TBC1D22A: variants seen among roughly 807,000 people sequenced by gnomAD.
The protein encoded by TBC1D22A is TBC1 domain family member 22A, also known as putative GTPase activator.
In TBC1D22A, 38 loss-of-function variants were observed where a neutral mutation model predicts 60.2. That is an observed-to-expected ratio of 0.63 (90% CI 0.49 to 0.83). The LOEUF (loss-of-function observed/expected upper bound fraction) is 0.83. Among genes scored for constraint, TBC1D22A ranks in the 40% least tolerant of loss-of-function variants. The pLI is 0.00. For synonymous variants in TBC1D22A, 302 were observed against 281.7 expected, an observed-to-expected ratio of 1.07 and a Z score of -0.72; for missense variants, 628 against 701.0, an observed-to-expected ratio of 0.90 and a Z score of 1.18.
At chr22:47,143,937 G>C (rs5767531) in intron 12 of TBC1D22A, among the ~76,000 whole-genome samples, 98,876 of 151,744 alleles carry the variant, frequency 0.65, 32,957 homozygotes, top group African/African-American at 0.79. Flanking sequence ...GCCTTCTTCT[G>C]CTCCAGCATC....
intron 12 of TBC1D22A, among the ~76,000 whole-genome samples, chr22:47,159,329 A>ATACACACACACCATG (rs1302039995): frequency 5.4e-5 from 4 of 73,532 alleles, no homozygotes; most frequent in African/African-American, 2.5e-4. Flanking sequence ...ACACACATGT[A>ATACACACACACCATG]TACACACACA....
chr22:47,067,715 G>A (rs887519790), intron 11 of TBC1D22A, among the ~76,000 whole-genome samples: 6 of 152,292 alleles, frequency 3.9e-5, no homozygotes, highest in African/African-American at 9.6e-5. Flanking sequence ...AGGGACCATC[G>A]TCATGTATTT....
chr22:46,915,735 G>C (rs2070320527), intron 8 of TBC1D22A: 1 of 456,700 alleles, frequency 2.2e-6, no homozygotes, highest in African/African-American at 2.0e-5. Context: ...TCTTTCTGGG[G>C]ATGTGTGTTC....
chr22:46,789,129 CTTTT>C (rs11450774), intron 1 of TBC1D22A: 11 of 136,134 alleles, frequency 8.1e-5, no homozygotes, highest in South Asian at 3.7e-4. Context: ...TCCTTCTTTT[CTTTT>C]TTTTTTTTTT....
intron 12 of TBC1D22A, among the ~76,000 whole-genome samples, chr22:47,139,189 C>T (rs867335165): frequency 6.6e-6 from 1 of 152,304 alleles, no homozygotes; most frequent in South Asian, 2.1e-4. Flanking sequence ...CTTCAGTCAC[C>T]GTTCCGCTCC....
At chr22:47,097,190 AG>A (rs2065220632) in intron 11 of TBC1D22A, among the ~76,000 whole-genome samples, 1 of 66,878 alleles carries the variant, frequency 1.5e-5, no homozygotes, top group African/African-American at 8.1e-5. Context: ...TGTCTGATAC[AG>A]TCTTCACCTT....
At chr22:47,050,517 A>G (rs1001475412) in intron 11 of TBC1D22A, among the ~76,000 whole-genome samples, 2 of 152,142 alleles carry the variant, frequency 1.3e-5, no homozygotes, top group Non-Finnish European at 2.9e-5. Flanking sequence ...TTTCTGGGAC[A>G]TTTTAAGCTT....
intron 9 of TBC1D22A, among the ~76,000 whole-genome samples, chr22:46,975,155 T>A (rs1395866229): frequency 1.3e-5 from 2 of 152,064 alleles, no homozygotes; most frequent in Non-Finnish European, 2.9e-5. Flanking sequence ...CTTAGTTTAT[T>A]TGAGGCCAGT....
intron 12 of TBC1D22A, among the ~76,000 whole-genome samples, chr22:47,157,548 C>T (rs2067774455): frequency 6.6e-6 from 1 of 152,234 alleles, no homozygotes; most frequent in African/African-American, 2.4e-5. Flanking sequence ...CTGCACCTGG[C>T]CTCGCAGGAC....
chr22:46,806,397 A>G (rs1015719763), intron 4 of TBC1D22A, among the ~76,000 whole-genome samples: 4 of 148,654 alleles, frequency 2.7e-5, no homozygotes, highest in African/African-American at 7.4e-5. Flanking sequence ...GCCACAAACC[A>G]TCCCATTACT....
chr22:47,003,440 A>G lies in TBC1D22A; in HGVS notation c.1201+5731A>G, dbSNP rs554133579. On this transcript the variant is annotated intron_variant, in intron 10 of 12. Transcript: ENST00000337137. ...ACATACCCTACGCACACATGCCTGT[A>G]CACACGCACCCTACGCACACATGCC... is the stretch of plus-strand genomic sequence containing the variant. 2.0e-5 allele frequency among the ~76,000 whole-genome samples: 3 copies of G among 151,168 alleles called. No individual in the cohort carries two copies. The East Asian group carries it at 5.8e-4, about 29-fold the overall frequency.
At chr22:47,138,674 G>C (rs2066968714) in intron 12 of TBC1D22A, among the ~76,000 whole-genome samples, 1 of 152,222 alleles carries the variant, frequency 6.6e-6, no homozygotes, top group Non-Finnish European at 1.5e-5. Flanking sequence ...CTCCGGGCTG[G>C]TATAACAAAA....
intron 4 of TBC1D22A, among the ~76,000 whole-genome samples, chr22:46,829,028 A>G (rs993294877): frequency 2.6e-5 from 4 of 152,186 alleles, no homozygotes; most frequent in Non-Finnish European, 2.9e-5. Flanking sequence ...CAGGTCTGGG[A>G]TGAGAGCCCA....
rs527762477 is a variant in TBC1D22A at position 46,905,656 on chromosome 22, C to T, written c.901-6418C>T. Among the ~76,000 whole-genome samples the T allele has an allele frequency of 2.2e-3, 337 of 152,312 alleles. 1 individual carries two copies. The highest frequency in any genetic ancestry group is 0.02 in the South Asian group (96 of 4,824). The stretch of plus-strand genomic sequence containing the variant: ...GAGTGGGTCTCTCAAGGCGGACACG[C>T]GAGGGCCAGCGGTCCCAGAAGTTGG... On this transcript the variant is annotated intron_variant, in intron 7 of 12. Transcript: ENST00000337137.
chr22:47,172,064 GCA>G (rs2068499054), intron 12 of TBC1D22A, among the ~76,000 whole-genome samples: 2 of 113,610 alleles, frequency 1.8e-5, no homozygotes, highest in East Asian at 1.5e-3. Context: ...AGCCTACCCA[GCA>G]CTCCCAGTGA....
chr22:47,029,819 G>C (rs568064728), intron 10 of TBC1D22A, among the ~76,000 whole-genome samples: 25 of 152,366 alleles, frequency 1.6e-4, no homozygotes, highest in African/African-American at 6.0e-4. Flanking sequence ...CGGAGGCCTT[G>C]GTGAGCGGCC....
At chr22:47,015,596 A>T (rs1462446458) in intron 10 of TBC1D22A, among the ~76,000 whole-genome samples, 1 of 152,132 alleles carries the variant, frequency 6.6e-6, no homozygotes, top group Non-Finnish European at 1.5e-5. Flanking sequence ...GCGACCACAC[A>T]CATATAATTG....
At chr22:46,775,031 G>A (rs1444158977) in intron 1 of TBC1D22A, among the ~76,000 whole-genome samples, 1 of 152,230 alleles carries the variant, frequency 6.6e-6, no homozygotes, top group African/African-American at 2.4e-5. Flanking sequence ...CTGGCTCTAA[G>A]GCTTTCACCT....
In TBC1D22A at chr22:46,941,497, C is replaced by G. The variant is rs200233336; in HGVS notation, c.1015+29309C>G. Among the ~76,000 whole-genome samples, 46 of 92,672 alleles carry G rather than the reference C, an allele frequency of 5.0e-4. 1 individual carries two copies. Among genetic ancestry groups the G allele is most frequent in the African/African-American group, 9.7e-4 (27 of 27,758 alleles). 60.8% of individuals were successfully genotyped at this position (92,672 alleles called of 152,430 possible). ...AATATATATACGGAATATATATACA[C>G]GGAATATATATACGGAATATATATA... is the stretch of plus-strand genomic sequence containing the variant. On this transcript the variant is annotated intron_variant, in intron 8 of 12. Coordinates refer to ENST00000337137, the MANE Select transcript of TBC1D22A (RefSeq NM_014346.5).
Sources: allele counts gnomAD v4.1 joint callset (sites outside exome capture counted in the v4.1 genomes callset), GRCh38; gene constraint gnomAD v4.1.1; transcripts MANE v1.5; gene names NCBI Gene and HGNC (gene_info 2026-07-23, HGNC 2026-07-21).